The following ADARB2 variants were observed in gnomAD, a reference collection of about 807,000 sequenced individuals.
The protein encoded by ADARB2 is adenosine deaminase RNA specific B2 (inactive), also known as inactive double-stranded RNA-specific editase B2.
Under a neutral mutation model 62.2 loss-of-function variants are expected in ADARB2, and 25 were observed. The observed-to-expected ratio is 0.40, with a 90% CI of 0.29 to 0.56. The LOEUF (loss-of-function observed/expected upper bound fraction) is 0.56. Ranked by LOEUF, ADARB2 falls within the 20% of genes least tolerant of loss-of-function variation. The pLI, the probability that ADARB2 is intolerant of heterozygous loss-of-function variation, is 0.43. For missense variants in ADARB2, 1,071 were observed against 1,077.4 expected (o/e 0.99, Z 0.08); for synonymous variants, 572 against 500.8 (o/e 1.14, Z -1.90).
At chr10:1,552,191 G>T (rs571294751) in intron 1 of ADARB2, among the ~76,000 whole-genome samples, 1 of 152,260 alleles carries the variant, frequency 6.6e-6, no homozygotes. Flanking sequence ...ATGCCCATGG[G>T]GGGAGCTGGC....
chr10:1,706,623 A>G (rs1450853918), intron 1 of ADARB2, among the ~76,000 whole-genome samples: 3 of 152,200 alleles, frequency 2.0e-5, no homozygotes. Context: ...TTTTCAACAA[A>G]CAGAGGGCCT....
intron 1 of ADARB2, among the ~76,000 whole-genome samples, chr10:1,711,909 G>A (rs1272483271): frequency 6.6e-6 from 1 of 152,120 alleles, no homozygotes; most frequent in Non-Finnish European, 1.5e-5. Context: ...TCTGAACCAT[G>A]CTATCAAGCC....
intron 3 of ADARB2, among the ~76,000 whole-genome samples, chr10:1,337,408 C>G (rs1831984550): frequency 6.6e-6 from 1 of 152,142 alleles, no homozygotes; most frequent in African/African-American, 2.4e-5. Context: ...CTGAGTAGTC[C>G]AGCTTTTCAG....
intron 7 of ADARB2, among the ~76,000 whole-genome samples, chr10:1,203,769 G>A (rs1352626698): frequency 6.6e-6 from 1 of 152,242 alleles, no homozygotes; most frequent in Non-Finnish European, 1.5e-5. Context: ...ATGCTGGTCA[G>A]TGGGGCCTCC....
At chr10:1,210,430 G>A (rs35435949) in intron 7 of ADARB2, among the ~76,000 whole-genome samples, 9 of 152,292 alleles carry the variant, frequency 5.9e-5, no homozygotes, top group African/African-American at 1.9e-4. Flanking sequence ...GATGAGACTC[G>A]TGCTGTCTAG....
At chr10:1,269,773 T>C (rs1589171614) in intron 4 of ADARB2, among the ~76,000 whole-genome samples, 1 of 152,166 alleles carries the variant, frequency 6.6e-6, no homozygotes, top group African/African-American at 2.4e-5. Context: ...TGTATGGCGG[T>C]GCCCAATTGA....
At chr10:1,451,254 GCC>G (rs1831033439) in intron 1 of ADARB2, among the ~76,000 whole-genome samples, 1 of 152,228 alleles carries the variant, frequency 6.6e-6, no homozygotes, top group South Asian at 2.1e-4. Flanking sequence ...AGGTGAAAGT[GCC>G]CTCCCAGTAT....
intron 3 of ADARB2, among the ~76,000 whole-genome samples, chr10:1,328,986 G>A (rs1198063965): frequency 5.5e-5 from 5 of 91,180 alleles, no homozygotes; most frequent in African/African-American, 2.3e-4. Flanking sequence ...GACAGAACAA[G>A]ACCCTGTCTT....
intron 1 of ADARB2, among the ~76,000 whole-genome samples, chr10:1,465,606 G>A (rs1340228682): frequency 6.6e-6 from 1 of 152,226 alleles, no homozygotes; most frequent in Non-Finnish European, 1.5e-5. Context: ...TGTAGAGAGT[G>A]TGCCTTTTGA....
intron 1 of ADARB2, among the ~76,000 whole-genome samples, chr10:1,537,540 T>G (rs554144296): frequency 6.6e-6 from 1 of 152,316 alleles, no homozygotes; most frequent in African/African-American, 2.4e-5. Context: ...CTGTTCACAA[T>G]AGCAAAGACT....
At chr10:1,621,292 A>G (rs1043532814) in intron 1 of ADARB2, among the ~76,000 whole-genome samples, 1 of 152,268 alleles carries the variant, frequency 6.6e-6, no homozygotes, top group Non-Finnish European at 1.5e-5. Context: ...TGATTAGTAT[A>G]AACATATCAA....
At chr10:1,571,296 T>A (rs2676758) in intron 1 of ADARB2, among the ~76,000 whole-genome samples, 40,802 of 150,586 alleles carry the variant, frequency 0.27, 5,640 homozygotes, top group African/African-American at 0.33. Flanking sequence ...TTTTTTTTTT[T>A]TAAAAAAAGC....
intron 4 of ADARB2, among the ~76,000 whole-genome samples, chr10:1,245,108 G>A (rs919868313): frequency 6.6e-6 from 1 of 152,140 alleles, no homozygotes; most frequent in Non-Finnish European, 1.5e-5. Flanking sequence ...CCAGGACACT[G>A]GGTGGGAGGC....
chr10:1,609,325 C>A (rs920668881), intron 1 of ADARB2, among the ~76,000 whole-genome samples: 1 of 152,230 alleles, frequency 6.6e-6, no homozygotes, highest in African/African-American at 2.4e-5. Flanking sequence ...TGCACAGAGA[C>A]CCGCTGGTCA....
At position 1,560,423 on chromosome 10, in the gene ADARB2, A is replaced by G. The variant is rs1399453180; in HGVS notation, c.100+176628T>C. ...CAATGACCCTGGTGCACCCTGGGTCATCACGAGGCGCACCCTGGGTCGTCA... is the reference window on the plus strand; with the variant it reads ...CAATGACCCTGGTGCACCCTGGGTCGTCACGAGGCGCACCCTGGGTCGTCA... On this transcript the variant is annotated intron_variant, in intron 1 of 9. Coordinates refer to ENST00000381312, the MANE Select transcript of ADARB2 (RefSeq NM_018702.4). Among the ~76,000 whole-genome samples, 6 of 148,790 alleles carry G rather than the reference A, an allele frequency of 4.0e-5. No individual in the cohort carries two copies. The Admixed American group carries it at 4.1e-4, about 10-fold the overall frequency.
chr10:1,542,820 G>T (rs796082572), intron 1 of ADARB2, among the ~76,000 whole-genome samples: 6 of 106,876 alleles, frequency 5.6e-5, no homozygotes, highest in South Asian at 8.5e-4. Flanking sequence ...CCACTCAGAC[G>T]CAGTTCAGAC....
chr10:1,184,753 C>T (rs1348529669), intron 9 of ADARB2, 108 bp downstream of exon 9: 17 of 1,261,164 alleles, frequency 1.3e-5, no homozygotes, highest in Non-Finnish European at 1.8e-5. Flanking sequence ...CTGTGTCGTG[C>T]ATCTCCCTCC....
At chr10:1,225,355 C>G (rs1272372937) in intron 6 of ADARB2, among the ~76,000 whole-genome samples, 1 of 152,178 alleles carries the variant, frequency 6.6e-6, no homozygotes, top group Non-Finnish European at 1.5e-5. Context: ...TGGGTCTTGA[C>G]TCTTTTTCCA....
At chr10:1,190,366 T>C (rs1160467594) in intron 8 of ADARB2, among the ~76,000 whole-genome samples, 2 of 150,770 alleles carry the variant, frequency 1.3e-5, no homozygotes, top group African/African-American at 5.0e-5. Context: ...GGAACACTTC[T>C]GTGATGCACC....
Sources: allele counts gnomAD v4.1 joint callset (sites outside exome capture counted in the v4.1 genomes callset), GRCh38; gene constraint gnomAD v4.1.1; transcripts MANE v1.5; gene names NCBI Gene and HGNC (gene_info 2026-07-23, HGNC 2026-07-21).